Variants in ASCC3 observed in about 807,000 individuals in gnomAD.
ASCC3 encodes the protein activating signal cointegrator 1 complex subunit 3.
A neutral mutation model predicts 256.3 loss-of-function variants in ASCC3; 158 were observed. The ratio of observed to expected loss-of-function variants is 0.62; its 90% confidence interval spans 0.54 to 0.70. The LOEUF (loss-of-function observed/expected upper bound fraction) is 0.70, where lower values mean the gene tolerates loss of function less well. Among genes scored for constraint, ASCC3 ranks in the 30% least tolerant of loss-of-function variants. ASCC3 has a pLI of 0.00. For missense variants in ASCC3, 2,259 were observed against 2,626.0 expected, an observed-to-expected ratio of 0.86 and a Z score of 3.05; for synonymous variants, 948 against 883.4, an observed-to-expected ratio of 1.07 and a Z score of -1.30.
intron 14 of ASCC3, among the ~76,000 whole-genome samples, chr6:100,676,955 T>C (rs1282330303): frequency 6.6e-6 from 1 of 152,192 alleles, no homozygotes; most frequent in African/African-American, 2.4e-5. Flanking sequence ...GATTTAGCCA[T>C]GTAACAGAAG....
chr6:100,572,540 G>A (rs1202721861), intron 36 of ASCC3, among the ~76,000 whole-genome samples: 1 of 152,072 alleles, frequency 6.6e-6, no homozygotes, highest in Non-Finnish European at 1.5e-5. Context: ...GGGAAATACT[G>A]CCAGAAATAA....
At chr6:100,700,006 A>G (rs761803869) in intron 13 of ASCC3, among the ~76,000 whole-genome samples, 1 of 152,140 alleles carries the variant, frequency 6.6e-6, no homozygotes, top group Non-Finnish European at 1.5e-5. Flanking sequence ...AGAAAATCCC[A>G]TTTTCTAAGT....
At chr6:100,667,418 A>G (rs1430057405) in intron 14 of ASCC3, among the ~76,000 whole-genome samples, 1 of 152,156 alleles carries the variant, frequency 6.6e-6, no homozygotes. Context: ...GTCAGGCTTT[A>G]CATTGTCTTG....
chr6:100,733,515 A>C (rs937950272), intron 10 of ASCC3, among the ~76,000 whole-genome samples: 17 of 152,150 alleles, frequency 1.1e-4, no homozygotes, highest in African/African-American at 4.1e-4. Context: ...TCCGCCACTT[A>C]GCTGAAGCAG....
Position 100,508,433 on chromosome 6 carries a change from T to C in ASCC3, c.*953A>G. On this transcript the variant is annotated 3_prime_UTR_variant, in exon 42 of 42. Coordinates refer to ENST00000369162, the MANE Select transcript of ASCC3 (RefSeq NM_006828.4). Reference sequence around the variant, plus strand: ...AAGTTTTTAGTTTGAAAAAGTATTTTTCAAGAAGGAATTTGTTTGGACATA... The same window carrying C: ...AAGTTTTTAGTTTGAAAAAGTATTTCTCAAGAAGGAATTTGTTTGGACATA... 6.6e-6 allele frequency: 1 copy of C among 152,182 alleles called. No homozygotes were observed. Among genetic ancestry groups the C allele is most frequent in the East Asian group, 1.9e-4 (1 of 5,192 alleles). The allele number at this position is 152,182 out of a possible 1,614,324, so 9.4% of individuals were successfully genotyped here. A position where few individuals can be genotyped will look rare whatever the true frequency, so the allele number is the denominator to read the frequency against.
At chr6:100,518,290 A>C in intron 37 of ASCC3, 148 bp from the exon 38 acceptor site, 1 of 899,098 alleles carries the variant, frequency 1.1e-6, no homozygotes, top group East Asian at 2.6e-5. Context: ...ACCAGAAAAT[A>C]AATCACAGTT....
At chr6:100,558,513 G>A (rs1028308835) in intron 36 of ASCC3, among the ~76,000 whole-genome samples, 2 of 152,082 alleles carry the variant, frequency 1.3e-5, no homozygotes, top group Admixed American at 1.3e-4. Context: ...TGGTTTGCAA[G>A]CCATATCTCA....
chr6:100,658,678 T>TAGAA (rs1562205017), intron 16 of ASCC3, among the ~76,000 whole-genome samples: 2 of 151,516 alleles, frequency 1.3e-5, no homozygotes, highest in East Asian at 3.9e-4. Context: ...TACAAGTGAA[T>TAGAA]AGAATAACAA....
At chr6:100,687,099 T>C (rs573840734) in intron 13 of ASCC3, among the ~76,000 whole-genome samples, 1 of 146,190 alleles carries the variant, frequency 6.8e-6, no homozygotes, top group African/African-American at 2.5e-5. Context: ...CACAGAGATG[T>C]CCATAATATA....
At position 100,509,511 on chromosome 6, in the gene ASCC3, T is replaced by C; in HGVS notation, c.6484A>G (p.Met2162Val). Reference protein sequence around the residue: ...PGRYIYTLYFMSDCYLGLDQQ... With the variant: ...PGRYIYTLYFVSDCYLGLDQQ... ...TCCAGGCCAAGGTAGCAGTCACTCATGAAATATAATGTGTAGATATACCTA... is the reference window on the plus strand; with the variant it reads ...TCCAGGCCAAGGTAGCAGTCACTCACGAAATATAATGTGTAGATATACCTA... Residue 2162 changes from methionine (M) to valine (V), a missense_variant, in exon 42 of 42, where the codon ATG becomes GTG. Physicochemically the swap from Met to Val is conservative, Grantham distance 21. Transcript: ENST00000369162. 3.1e-6 allele frequency: 5 copies of C among 1,613,302 alleles called. No homozygotes were observed. The highest frequency in any genetic ancestry group is 4.2e-6 in the Non-Finnish European group (5 of 1,179,214).
At chr6:100,876,154 C>T (rs536647607) in intron 1 of ASCC3, among the ~76,000 whole-genome samples, 10 of 151,826 alleles carry the variant, frequency 6.6e-5, no homozygotes, top group South Asian at 2.1e-4. Flanking sequence ...TGAAGGAGTA[C>T]GGAAGGAAGG....
chr6:100,720,431 G>A (rs894344838), intron 11 of ASCC3, among the ~76,000 whole-genome samples: 23 of 151,978 alleles, frequency 1.5e-4, no homozygotes, highest in African/African-American at 5.3e-4. Context: ...ATAGATGGAT[G>A]GGTGGAGTTA....
chr6:100,516,451 T>A, intron 38 of ASCC3, 124 bp from the exon 39 acceptor site: 1 of 1,205,408 alleles, frequency 8.3e-7, no homozygotes, highest in Non-Finnish European at 1.2e-6. Flanking sequence ...TTTAAGACCA[T>A]TATGCTAAGT....
intron 4 of ASCC3, among the ~76,000 whole-genome samples, chr6:100,840,361 C>T (rs1772079349): frequency 6.6e-6 from 1 of 152,006 alleles, no homozygotes; most frequent in Non-Finnish European, 1.5e-5. Flanking sequence ...CAGGCGCTCA[C>T]TCTGTCACCA....
chr6:100,807,452 T>C (rs938519814), intron 4 of ASCC3, among the ~76,000 whole-genome samples: 5 of 151,850 alleles, frequency 3.3e-5, no homozygotes, highest in African/African-American at 1.2e-4. Flanking sequence ...GTATGACATA[T>C]GGAGTCCTAG....
chr6:100,716,581 C>T (rs188733225), intron 12 of ASCC3, among the ~76,000 whole-genome samples: 3 of 151,922 alleles, frequency 2.0e-5, no homozygotes, highest in Non-Finnish European at 4.4e-5. Flanking sequence ...ATAATTTACT[C>T]CTCATGAATA....
Position 100,874,159 on chromosome 6 carries a change from C to T in ASCC3, c.-41-6121G>A, listed in dbSNP as rs1773876170. ...AGGCACTGGATGTTAATGAAGTTTA[C>T]AGTTCTTCAAAACTCATTGCATTTT... On this transcript the variant is annotated intron_variant, in intron 1 of 41. Coordinates refer to ENST00000369162, the MANE Select transcript of ASCC3 (RefSeq NM_006828.4). Among the ~76,000 whole-genome samples, 5 of 152,226 alleles carry T rather than the reference C, an allele frequency of 3.3e-5. No individual in the cohort carries two copies. In the South Asian group the frequency reaches 1.0e-3, roughly 32 times the overall value.
At chr6:100,691,433 C>A (rs1171896179) in intron 13 of ASCC3, among the ~76,000 whole-genome samples, 1 of 151,510 alleles carries the variant, frequency 6.6e-6, no homozygotes, top group Non-Finnish European at 1.5e-5. Context: ...TTATGTCATC[C>A]AACTGATGCT....
At chr6:100,590,738 T>C (rs1347051216) in intron 34 of ASCC3, among the ~76,000 whole-genome samples, 6 of 152,032 alleles carry the variant, frequency 3.9e-5, no homozygotes, top group Admixed American at 2.0e-4. Flanking sequence ...GTGCTAACAA[T>C]TTCAAATGGG....
Sources: gnomAD v4.1 joint callset for allele counts (sites outside exome capture counted in the v4.1 genomes callset) on GRCh38, gnomAD v4.1.1 for gene constraint, MANE v1.5 for transcripts, NCBI Gene and HGNC (gene_info 2026-07-23, HGNC 2026-07-21) for gene names.